The following JAKMIP2 variants were observed in gnomAD, a reference collection of about 807,000 sequenced individuals.
The protein encoded by JAKMIP2 is janus kinase and microtubule-interacting protein 2.
JAKMIP2 carries 25 observed loss-of-function variants against 115.0 expected under a neutral mutation model. The ratio of observed to expected loss-of-function variants is 0.22; its 90% CI spans 0.16 to 0.30. The LOEUF (loss-of-function observed/expected upper bound fraction) is 0.30, where lower values mean the gene tolerates loss of function less well. Ranked by LOEUF, JAKMIP2 falls within the 10% of genes least tolerant of loss-of-function variation. The probability of loss-of-function intolerance (pLI) is 1.00; values close to 1 mark genes in which losing one functional copy is unlikely to be tolerated. For synonymous variants in JAKMIP2, 334 were observed against 343.6 expected, an observed-to-expected ratio of 0.97 and a Z score of 0.31; for missense variants, 642 against 957.6, an observed-to-expected ratio of 0.67 and a Z score of 4.35.
chr5:147,764,929 AGAGAGAGAGAGAGAGAGG>A (rs1755073048), intron 1 of JAKMIP2, among the ~76,000 whole-genome samples: 5 of 99,424 alleles, frequency 5.0e-5, no homozygotes, highest in African/African-American at 2.6e-4. Flanking sequence ...AAAGAGAGAG[AGAGAGAGAGAGAGAGAGG>A]GAGAGAGAGA....
At chr5:147,605,545 G>C (rs564649366) in intron 20 of JAKMIP2, among the ~76,000 whole-genome samples, 18 of 152,102 alleles carry the variant, frequency 1.2e-4, no homozygotes, top group Non-Finnish European at 2.4e-4. Flanking sequence ...TAACAATCAT[G>C]GGCATTTGGG....
In JAKMIP2 at chr5:147,650,565, C is replaced by G; in HGVS notation, c.628-18G>C. ...TCATCCATCTGAATTAAATGAGACCCAGGACATTTTATTTAACAATGCTGT... is the reference window on the plus strand; with the variant it reads ...TCATCCATCTGAATTAAATGAGACCGAGGACATTTTATTTAACAATGCTGT... On this transcript the variant is annotated intron_variant, in intron 3 of 21. Coordinates refer to ENST00000616793, the MANE Select transcript of JAKMIP2 (RefSeq NM_001270941.2). 1 of 1,576,130 alleles carries G rather than the reference C, an allele frequency of 6.3e-7. No homozygotes were observed. The highest frequency in any genetic ancestry group is 8.7e-7 in the Non-Finnish European group (1 of 1,147,472).
intron 3 of JAKMIP2, among the ~76,000 whole-genome samples, chr5:147,659,136 C>T (rs1226640360): frequency 6.6e-6 from 1 of 151,676 alleles, no homozygotes; most frequent in African/African-American, 2.4e-5. Flanking sequence ...GCTCAAACAG[C>T]TGCCCAGATT....
At chr5:147,614,982 G>C (rs1027540352) in intron 19 of JAKMIP2, among the ~76,000 whole-genome samples, 14 of 152,116 alleles carry the variant, frequency 9.2e-5, no homozygotes, top group Non-Finnish European at 1.8e-4. Flanking sequence ...AACCTAAAGT[G>C]GCCAATCCTA....
intron 2 of JAKMIP2, 170 bp from the exon 3 acceptor site, chr5:147,661,615 T>C: frequency 1.6e-6 from 1 of 630,480 alleles, no homozygotes; most frequent in Admixed American, 3.0e-5. Context: ...GGGAATACAG[T>C]GTGTAAGAGG....
intron 1 of JAKMIP2, among the ~76,000 whole-genome samples, chr5:147,687,017 G>A (rs1448691440): frequency 6.6e-6 from 1 of 151,900 alleles, no homozygotes; most frequent in African/African-American, 2.4e-5. Context: ...TTTTCTTTTT[G>A]TATAGTAAGC....
chr5:147,615,077 G>C (rs935120918), intron 19 of JAKMIP2, among the ~76,000 whole-genome samples: 1 of 152,182 alleles, frequency 6.6e-6, no homozygotes, highest in Non-Finnish European at 1.5e-5. Context: ...TTGTTCATTT[G>C]TTCTGTGGCT....
chr5:147,730,543 C>T (rs1482731722), intron 1 of JAKMIP2, among the ~76,000 whole-genome samples: 1 of 151,990 alleles, frequency 6.6e-6, no homozygotes, highest in African/African-American at 2.4e-5. Context: ...GCAACTTCCA[C>T]CTCCCGGGTT....
chr5:147,699,103 G>C (rs914269707), intron 1 of JAKMIP2, among the ~76,000 whole-genome samples: 5 of 152,154 alleles, frequency 3.3e-5, no homozygotes, highest in Non-Finnish European at 7.3e-5. Flanking sequence ...CAATAAAAGA[G>C]AAAATATACA....
intron 20 of JAKMIP2, among the ~76,000 whole-genome samples, chr5:147,605,501 G>T (rs1755959486): frequency 6.6e-6 from 1 of 152,060 alleles, no homozygotes; most frequent in Admixed American, 6.5e-5. Flanking sequence ...GAGCCACCGG[G>T]CCTGGGCCTG....
chr5:147,671,360 C>T (rs954883429), intron 2 of JAKMIP2, among the ~76,000 whole-genome samples: 2 of 152,186 alleles, frequency 1.3e-5, no homozygotes, highest in African/African-American at 4.8e-5. Flanking sequence ...GTGGAACTTG[C>T]CCAAGGTCAT....
intron 18 of JAKMIP2, 81 bp downstream of exon 18, chr5:147,620,585 A>C: frequency 1.1e-6 from 1 of 940,046 alleles, no homozygotes. Flanking sequence ...AGTACATAGC[A>C]TGGAAAATTA....
At chr5:147,763,434 C>A (rs10039691) in intron 1 of JAKMIP2, among the ~76,000 whole-genome samples, 133 of 152,222 alleles carry the variant, frequency 8.7e-4, no homozygotes, top group African/African-American at 3.1e-3. Flanking sequence ...GAAGGAGAGC[C>A]TTTTCCTACT....
At chr5:147,648,236 C>T in intron 5 of JAKMIP2, 140 bp downstream of exon 5, 2 of 533,060 alleles carry the variant, frequency 3.8e-6, no homozygotes, top group Non-Finnish European at 6.6e-6. Context: ...TTGAGTGTGC[C>T]ACTTTGTGAA....
chr5:147,769,329 C>G (rs1344919592), intron 1 of JAKMIP2, among the ~76,000 whole-genome samples: 3 of 152,098 alleles, frequency 2.0e-5, no homozygotes, highest in African/African-American at 7.2e-5. Context: ...GAGAGGGCGG[C>G]AAAAGTGTAA....
Position 147,764,947 on chromosome 5 carries a change from GGAGA to G in JAKMIP2, c.-149+17505_-149+17508del, listed in dbSNP as rs71001456. Among the ~76,000 whole-genome samples the G allele has an allele frequency of 5.1e-3, 185 of 36,582 alleles. 8 individuals carry two copies. Among genetic ancestry groups the G allele is most frequent in the Non-Finnish European group, 7.3e-3 (156 of 21,474 alleles). The allele number at this position is 36,582 out of a possible 152,430, so 24.0% of individuals were successfully genotyped here. ...GAGAGAGAGAGAGAGAGAGAGAGAGGGAGAGAGAGAGAGAGAGAGGGGGAGAGAG... is the reference window on the plus strand; with the variant it reads ...GAGAGAGAGAGAGAGAGAGAGAGAGGGAGAGAGAGAGAGAGGGGGAGAGAG... On this transcript the variant is annotated intron_variant, in intron 1 of 21. Transcript: ENST00000616793.
chr5:147,674,979 CA>C (rs1692026487), intron 1 of JAKMIP2, among the ~76,000 whole-genome samples: 1 of 152,180 alleles, frequency 6.6e-6, no homozygotes, highest in South Asian at 2.1e-4. Context: ...GCAACTTTGA[CA>C]CATGGAGTCA....
intron 3 of JAKMIP2, among the ~76,000 whole-genome samples, chr5:147,655,550 C>G (rs1758634741): frequency 6.6e-6 from 1 of 152,018 alleles, no homozygotes; most frequent in Admixed American, 6.6e-5. Flanking sequence ...GGTGATAGCT[C>G]TTTTATCATT....
At chr5:147,700,281 A>T (rs909022694) in intron 1 of JAKMIP2, among the ~76,000 whole-genome samples, 2 of 152,154 alleles carry the variant, frequency 1.3e-5, no homozygotes, top group African/African-American at 4.8e-5. Flanking sequence ...TAGTGGCTAT[A>T]AAAATAAATC....
Sources: allele counts gnomAD v4.1 joint callset (sites outside exome capture counted in the v4.1 genomes callset), GRCh38; gene constraint gnomAD v4.1.1; transcripts MANE v1.5; gene names NCBI Gene and HGNC (gene_info 2026-07-23, HGNC 2026-07-21).